The following THEMIS variants were observed in gnomAD, a reference collection of about 807,000 sequenced individuals.
THEMIS encodes protein THEMIS.
Under a neutral mutation model 52.6 loss-of-function variants are expected in THEMIS, and 37 were observed. That is an observed-to-expected ratio of 0.70 (90% CI 0.54 to 0.93). The LOEUF is 0.93. Among genes scored for constraint, THEMIS ranks in the 40% least tolerant of loss-of-function variants. The pLI is 0.00. For missense variants in THEMIS, 808 were observed against 763.1 expected (o/e 1.06, Z -0.69); for synonymous variants, 292 against 272.7 (o/e 1.07, Z -0.70).
upstream of THEMIS, among the ~76,000 whole-genome samples, chr6:127,903,529 A>G (rs927830858): frequency 6.6e-6 from 1 of 152,032 alleles, no homozygotes; most frequent in East Asian, 1.9e-4. Flanking sequence ...AAATTTCCCT[A>G]ACTTTCCATG....
chr6:127,841,577 A>T (rs1296564145), intron 2 of THEMIS, among the ~76,000 whole-genome samples: 1 of 152,044 alleles, frequency 6.6e-6, no homozygotes, highest in East Asian at 1.9e-4. Context: ...TTCTGATCTG[A>T]TATTACAATG....
intron 2 of THEMIS, among the ~76,000 whole-genome samples, chr6:127,838,480 T>C (rs956655202): frequency 6.6e-6 from 1 of 152,096 alleles, no homozygotes; most frequent in Non-Finnish European, 1.5e-5. Context: ...AAAATTGAGT[T>C]ATCTTCCTTT....
intron 4 of THEMIS, among the ~76,000 whole-genome samples, chr6:127,764,728 A>G (rs1430054430): frequency 6.6e-6 from 1 of 152,022 alleles, no homozygotes; most frequent in Non-Finnish European, 1.5e-5. Flanking sequence ...ATCTATCATT[A>G]GATTTTTGAG....
At chr6:127,808,213 G>C in intron 4 of THEMIS, among the ~76,000 whole-genome samples, 1 of 152,118 alleles carries the variant, frequency 6.6e-6, no homozygotes, top group East Asian at 1.9e-4. Context: ...TCAACCAAAG[G>C]TTTGTTTTCT....
In THEMIS at chr6:127,709,901, T is replaced by C; in HGVS notation, c.*84A>G. 8.2e-7 allele frequency: 1 copy of C among 1,218,242 alleles called. No individual in the cohort carries two copies. The highest frequency in any genetic ancestry group is 1.2e-6 in the Non-Finnish European group (1 of 854,202). The allele number at this position is 1,218,242 out of a possible 1,614,324, so 75.5% of individuals were successfully genotyped here. On this transcript the variant is annotated 3_prime_UTR_variant, in exon 6 of 6. Coordinates refer to ENST00000368248, the MANE Select transcript of THEMIS (RefSeq NM_001010923.3). ...GTTTCTTCTGGAGTCCATTGGGGAATACTCGTTTTTCAGCTAGAAGGCTAG... is the reference window on the plus strand; with the variant it reads ...GTTTCTTCTGGAGTCCATTGGGGAACACTCGTTTTTCAGCTAGAAGGCTAG...
At chr6:127,864,571 G>A (rs1237133196) in intron 1 of THEMIS, among the ~76,000 whole-genome samples, 3 of 152,072 alleles carry the variant, frequency 2.0e-5, no homozygotes, top group Non-Finnish European at 4.4e-5. Flanking sequence ...ATGTGCAGAA[G>A]TCCAGAGATT....
chr6:127,746,642 A>G (rs1417359753), intron 4 of THEMIS, among the ~76,000 whole-genome samples: 1 of 138,944 alleles, frequency 7.2e-6, no homozygotes, highest in Admixed American at 8.2e-5. Context: ...ACAATAAATG[A>G]TGAATAAGAT....
chr6:127,703,036 T>G, the THEMIS span, among the ~76,000 whole-genome samples: 821 of 27,658 alleles, frequency 0.03, 18 homozygotes, highest in Non-Finnish European at 0.048. Context: ...TTAGAATGAG[T>G]TTTTTTTTTT....
chr6:127,870,484 G>C (rs1780123760), intron 1 of THEMIS, among the ~76,000 whole-genome samples: 4 of 152,114 alleles, frequency 2.6e-5, no homozygotes, highest in Admixed American at 2.6e-4. Context: ...AACAGGAGAT[G>C]TAAGCTTTGC....
chr6:127,850,376 C>T (rs999131303), intron 2 of THEMIS, among the ~76,000 whole-genome samples: 3 of 151,576 alleles, frequency 2.0e-5, no homozygotes, highest in African/African-American at 4.8e-5. Context: ...TCTGGCAATT[C>T]CATTACTGCA....
At chr6:127,713,442 G>A (rs75940196) in intron 5 of THEMIS, among the ~76,000 whole-genome samples, 207 of 151,910 alleles carry the variant, frequency 1.4e-3, no homozygotes, top group African/African-American at 4.7e-3. Flanking sequence ...AACCTCTTAT[G>A]AGCCAGACAC....
At chr6:127,842,360 G>A (rs1299358673) in intron 2 of THEMIS, among the ~76,000 whole-genome samples, 5 of 151,956 alleles carry the variant, frequency 3.3e-5, no homozygotes, top group African/African-American at 1.2e-4. Flanking sequence ...AATTAACAAT[G>A]TTAATGTATC....
intron 2 of THEMIS, among the ~76,000 whole-genome samples, chr6:127,837,731 A>AT (rs1477444854): frequency 1.3e-5 from 2 of 152,016 alleles, no homozygotes; most frequent in Admixed American, 6.6e-5. Context: ...AAATTCTGAC[A>AT]TTTTTTAACT....
At chr6:127,789,420 A>G (rs1777085974) in intron 4 of THEMIS, among the ~76,000 whole-genome samples, 1 of 152,194 alleles carries the variant, frequency 6.6e-6, no homozygotes, top group African/African-American at 2.4e-5. Context: ...GACCAGATGG[A>G]TTCACAGCTG....
At chr6:127,739,916 G>A (rs1254617637) in intron 4 of THEMIS, among the ~76,000 whole-genome samples, 1 of 152,200 alleles carries the variant, frequency 6.6e-6, no homozygotes, top group Non-Finnish European at 1.5e-5. Flanking sequence ...CTGCAGGGCT[G>A]ACATTCGCTG....
chr6:127,762,146 T>C (rs1583245472), intron 4 of THEMIS, among the ~76,000 whole-genome samples: 1 of 152,102 alleles, frequency 6.6e-6, no homozygotes, highest in East Asian at 1.9e-4. Context: ...AATTGAAATA[T>C]GCCAGTTATA....
intron 4 of THEMIS, among the ~76,000 whole-genome samples, chr6:127,741,582 G>A (rs1775203841): frequency 6.6e-6 from 1 of 152,216 alleles, no homozygotes; most frequent in Admixed American, 6.5e-5. Context: ...AGCAGAAAGT[G>A]TTCAACTAGG....
chr6:127,815,765 C>A (rs1190317951), intron 3 of THEMIS, among the ~76,000 whole-genome samples: 2 of 152,136 alleles, frequency 1.3e-5, no homozygotes, highest in South Asian at 4.1e-4. Context: ...AATTCTAGAG[C>A]TAGCTCTAGA....
intron 4 of THEMIS, among the ~76,000 whole-genome samples, chr6:127,732,797 G>A (rs986560398): frequency 6.6e-6 from 1 of 152,160 alleles, no homozygotes; most frequent in Non-Finnish European, 1.5e-5. Flanking sequence ...TAATGCTGTT[G>A]TGAATATTCC....
Sources: allele counts gnomAD v4.1 joint callset (sites outside exome capture counted in the v4.1 genomes callset), GRCh38; gene constraint gnomAD v4.1.1; transcripts MANE v1.5; gene names NCBI Gene and HGNC (gene_info 2026-07-23, HGNC 2026-07-21).